TMEM117: variants seen among roughly 807,000 people sequenced by gnomAD.
TMEM117 encodes the protein transmembrane protein 117.
TMEM117 carries 27 observed loss-of-function variants against 52.4 expected under a neutral mutation model. That is an observed-to-expected ratio of 0.51 (90% CI 0.38 to 0.71). TMEM117 has a LOEUF of 0.71. Among genes scored for constraint, TMEM117 ranks in the 30% least tolerant of loss-of-function variants. The pLI, the probability that TMEM117 is intolerant of heterozygous loss-of-function variation, is 0.00. For synonymous variants in TMEM117, 215 were observed against 206.3 expected, an observed-to-expected ratio of 1.04 and a Z score of -0.36; for missense variants, 556 against 630.5, an observed-to-expected ratio of 0.88 and a Z score of 1.26.
chr12:44,353,720 T>G (rs1478658587), intron 6 of TMEM117, among the ~76,000 whole-genome samples: 2 of 152,156 alleles, frequency 1.3e-5, no homozygotes, highest in Non-Finnish European at 2.9e-5. Flanking sequence ...TAGTTTGAAG[T>G]CAGGTAGCGT....
chr12:43,888,549 T>C (rs1160421914), intron 2 of TMEM117, among the ~76,000 whole-genome samples: 3 of 137,410 alleles, frequency 2.2e-5, no homozygotes, highest in African/African-American at 8.1e-5. Context: ...TTTTCTTTTT[T>C]TTTTTTTTTT....
intron 6 of TMEM117, among the ~76,000 whole-genome samples, chr12:44,366,841 C>A (rs1156978335): frequency 2.0e-5 from 3 of 152,050 alleles, no homozygotes; most frequent in Admixed American, 1.3e-4. Context: ...GTGAACTTAA[C>A]CCAGTTTTGT....
At chr12:43,913,750 A>T (rs2051279231) in intron 2 of TMEM117, among the ~76,000 whole-genome samples, 1 of 152,228 alleles carries the variant, frequency 6.6e-6, no homozygotes, top group Non-Finnish European at 1.5e-5. Context: ...ATCACACAAC[A>T]TGCTTTAATA....
intron 3 of TMEM117, among the ~76,000 whole-genome samples, chr12:44,127,717 T>G (rs1177612027): frequency 6.6e-6 from 1 of 151,850 alleles, no homozygotes; most frequent in Non-Finnish European, 1.5e-5. Flanking sequence ...TTCTTGATAA[T>G]GTGGGTGGGC....
At chr12:44,318,131 C>G (rs985458087) in intron 6 of TMEM117, among the ~76,000 whole-genome samples, 1 of 152,196 alleles carries the variant, frequency 6.6e-6, no homozygotes, top group Non-Finnish European at 1.5e-5. Context: ...GCACCACAGT[C>G]TCTCCACAGA....
intron 6 of TMEM117, chr12:44,376,367 A>G (rs1325495434): frequency 1.7e-6 from 1 of 589,596 alleles, no homozygotes; most frequent in Non-Finnish European, 3.0e-6. Flanking sequence ...TTATTACCAC[A>G]TTAAAAAGAA....
At chr12:43,947,135 A>G (rs182118579) in intron 3 of TMEM117, among the ~76,000 whole-genome samples, 52 of 152,254 alleles carry the variant, frequency 3.4e-4, no homozygotes, top group African/African-American at 1.2e-3. Context: ...GAAGTTTGAG[A>G]CCAGTCTGGG....
At chr12:43,991,801 G>A (rs535896622) in intron 3 of TMEM117, among the ~76,000 whole-genome samples, 33 of 152,202 alleles carry the variant, frequency 2.2e-4, no homozygotes, top group East Asian at 2.1e-3. Context: ...AAATGAGACC[G>A]TCATCCATTC....
At chr12:44,106,220 G>A (rs886174062) in intron 3 of TMEM117, among the ~76,000 whole-genome samples, 1 of 152,028 alleles carries the variant, frequency 6.6e-6, no homozygotes, top group African/African-American at 2.4e-5. Flanking sequence ...TTAACTTGCT[G>A]TTAGGATGGT....
At chr12:44,245,583 G>A (rs766811188) in intron 5 of TMEM117, among the ~76,000 whole-genome samples, 1 of 142,698 alleles carries the variant, frequency 7.0e-6, no homozygotes, top group African/African-American at 2.6e-5. Context: ...CAGTTCTAAC[G>A]TTTTTTTTTT....
At chr12:43,806,301 G>T in the TMEM117 span, 1 of 1,447,812 alleles carries the variant, frequency 6.9e-7, no homozygotes, top group Non-Finnish European at 9.1e-7. Context: ...GGCCCCGGCC[G>T]GCGGCCCCAG....
intron 4 of TMEM117, among the ~76,000 whole-genome samples, chr12:44,200,269 G>C (rs1423027029): frequency 6.6e-6 from 1 of 152,162 alleles, no homozygotes; most frequent in South Asian, 2.1e-4. Context: ...CACATATACT[G>C]AGTATTAAAC....
intron 5 of TMEM117, among the ~76,000 whole-genome samples, chr12:44,220,142 A>G (rs1426306952): frequency 6.6e-6 from 1 of 152,166 alleles, no homozygotes; most frequent in African/African-American, 2.4e-5. Context: ...TTGACTGGGA[A>G]TTTTAAGAAT....
At chr12:43,911,900 G>A (rs1944509274) in intron 2 of TMEM117, among the ~76,000 whole-genome samples, 1 of 147,782 alleles carries the variant, frequency 6.8e-6, no homozygotes, top group Non-Finnish European at 1.5e-5. Flanking sequence ...CTGTTGGTGG[G>A]ACTGTAAACT....
At chr12:43,820,017 G>GA in the TMEM117 span, among the ~76,000 whole-genome samples, 1 of 152,146 alleles carries the variant, frequency 6.6e-6, no homozygotes, top group African/African-American at 2.4e-5. Context: ...AAAAAAAAGA[G>GA]AAAAGAAAAC....
At chr12:44,203,109 T>C (rs765172664) in intron 4 of TMEM117, among the ~76,000 whole-genome samples, 11 of 152,014 alleles carry the variant, frequency 7.2e-5, no homozygotes, top group Non-Finnish European at 1.3e-4. Context: ...TTGTTGTTGT[T>C]GTTGTTGTTG....
At chr12:44,230,678 A>T (rs535862973) in intron 5 of TMEM117, among the ~76,000 whole-genome samples, 1 of 151,994 alleles carries the variant, frequency 6.6e-6, no homozygotes, top group African/African-American at 2.4e-5. Flanking sequence ...ACAATCATCA[A>T]TTGGCTCCCC....
the TMEM117 span, chr12:43,806,297 G>C: frequency 5.6e-6 from 8 of 1,437,780 alleles, no homozygotes; most frequent in African/African-American, 1.5e-5. Flanking sequence ...CAGCGGCCCC[G>C]GCCGGCGGCC....
intron 6 of TMEM117, among the ~76,000 whole-genome samples, chr12:44,358,752 A>T (rs2138802096): frequency 6.6e-6 from 1 of 152,220 alleles, no homozygotes; most frequent in South Asian, 2.1e-4. Flanking sequence ...CATTGAGAAG[A>T]GCTGAGGCTT....
Sources: allele counts gnomAD v4.1 joint callset (sites outside exome capture counted in the v4.1 genomes callset), GRCh38; gene constraint gnomAD v4.1.1; transcripts MANE v1.5; gene names NCBI Gene and HGNC (gene_info 2026-07-23, HGNC 2026-07-21).